Variants in MAST4 observed in about 807,000 individuals in gnomAD.
The protein encoded by MAST4 is microtubule associated serine/threonine kinase family member 4.
MAST4 carries 89 observed loss-of-function variants against 162.7 expected under a neutral mutation model. The ratio of observed to expected loss-of-function variants is 0.55; its 90% CI spans 0.46 to 0.65. The LOEUF (loss-of-function observed/expected upper bound fraction) is 0.65. Among genes scored for constraint, MAST4 ranks in the 30% least tolerant of loss-of-function variants. The pLI is 0.00. For missense variants in MAST4, 3,153 were observed against 3,374.0 expected (o/e 0.93, Z 1.62); for synonymous variants, 1,479 against 1,361.1 (o/e 1.09, Z -1.91).
intron 4 of MAST4, among the ~76,000 whole-genome samples, chr5:66,936,970 G>A (rs1208749361): frequency 3.9e-5 from 6 of 151,992 alleles, no homozygotes; most frequent in South Asian, 2.1e-4. Context: ...ACTACAGTGC[G>A]GCTTTAATTA....
chr5:66,671,639 G>A (rs1747619356), intron 1 of MAST4, among the ~76,000 whole-genome samples: 1 of 152,150 alleles, frequency 6.6e-6, no homozygotes, highest in Non-Finnish European at 1.5e-5. Flanking sequence ...TGGGAATATG[G>A]TTTTGGAGAG....
chr5:66,844,917 T>C, intron 3 of MAST4, among the ~76,000 whole-genome samples: 1 of 151,260 alleles, frequency 6.6e-6, no homozygotes, highest in East Asian at 2.0e-4. Flanking sequence ...ACATATGAGC[T>C]TGGAGAGAGA....
chr5:66,726,483 C>T (rs954556497), intron 1 of MAST4, among the ~76,000 whole-genome samples: 1 of 152,016 alleles, frequency 6.6e-6, no homozygotes, highest in African/African-American at 2.4e-5. Flanking sequence ...GCTGGAGTTG[C>T]AGTTGAATTT....
At chr5:66,650,037 C>T (rs139929324) in intron 1 of MAST4, among the ~76,000 whole-genome samples, 1 of 152,038 alleles carries the variant, frequency 6.6e-6, no homozygotes, top group Non-Finnish European at 1.5e-5. Context: ...ATTGACCATG[C>T]TCCAACTTGG....
rs779630891 is a variant in MAST4 at position 67,165,676 on chromosome 5, A to G, written c.6497A>G (p.Lys2166Arg). 1.3e-5 allele frequency: 21 copies of G among 1,593,062 alleles called. No individual in the cohort carries two copies. The Admixed American group carries it at 3.6e-4, about 27-fold the overall frequency. Reference sequence around the variant, plus strand: ...GCTTCTGGCAGAGAGCCGGGGGCCAAGCCCAGCACTGCAGAGCCCAGCTCG... The same window carrying G: ...GCTTCTGGCAGAGAGCCGGGGGCCAGGCCCAGCACTGCAGAGCCCAGCTCG... ...SHASGREPGA[K>R]PSTAEPSSSP... Residue 2166 changes from lysine (K) to arginine (R), a missense_variant, in exon 29 of 29, where the codon AAG (lysine) becomes AGG (arginine). Lys to Arg is a conservative substitution (Grantham distance 26). Around this residue, in one of 7 missense-constraint regions of MAST4, gnomAD observed 1,644 missense variants for 1,495.0 expected, o/e 1.10. Coordinates refer to ENST00000403625, the MANE Select transcript of MAST4 (RefSeq NM_001164664.2).
intron 3 of MAST4, among the ~76,000 whole-genome samples, chr5:66,827,226 A>G (rs1757307444): frequency 6.6e-6 from 1 of 152,258 alleles, no homozygotes; most frequent in African/African-American, 2.4e-5. Flanking sequence ...TTTGACTTGA[A>G]GAATGACCAG....
chr5:66,808,964 C>T (rs1422909890), intron 3 of MAST4, among the ~76,000 whole-genome samples: 1 of 152,164 alleles, frequency 6.6e-6, no homozygotes, highest in Non-Finnish European at 1.5e-5. Context: ...TTGTATAGCA[C>T]TTCACTGGGA....
intron 4 of MAST4, among the ~76,000 whole-genome samples, chr5:67,012,789 T>C (rs1223570872): frequency 6.6e-6 from 1 of 152,122 alleles, no homozygotes; most frequent in East Asian, 1.9e-4. Flanking sequence ...ATTCTGAAAA[T>C]GTTGATCTTA....
At chr5:66,927,264 C>T (rs1764971690) in intron 4 of MAST4, among the ~76,000 whole-genome samples, 1 of 152,150 alleles carries the variant, frequency 6.6e-6, no homozygotes, top group African/African-American at 2.4e-5. Flanking sequence ...GATATTTGAC[C>T]TTGTTGAATC....
intron 3 of MAST4, among the ~76,000 whole-genome samples, chr5:66,844,239 C>T (rs1465603464): frequency 6.6e-6 from 1 of 150,514 alleles, no homozygotes; most frequent in Admixed American, 6.7e-5. Context: ...CTGCTATCCA[C>T]AATTCCCCTT....
At chr5:66,895,858 T>C (rs1197046910) in intron 3 of MAST4, among the ~76,000 whole-genome samples, 13 of 152,192 alleles carry the variant, frequency 8.5e-5, no homozygotes, top group Non-Finnish European at 4.4e-5. Context: ...TTGGAATAAT[T>C]TTAAAATTTA....
chr5:66,948,655 CT>C (rs1319986927), intron 4 of MAST4, among the ~76,000 whole-genome samples: 1 of 152,086 alleles, frequency 6.6e-6, no homozygotes, highest in Non-Finnish European at 1.5e-5. Context: ...GCGGCTGGAG[CT>C]GAGTAAAACA....
intron 3 of MAST4, among the ~76,000 whole-genome samples, chr5:66,854,047 A>T (rs1210974805): frequency 6.6e-6 from 1 of 152,086 alleles, no homozygotes; most frequent in Non-Finnish European, 1.5e-5. Context: ...TGACATTTTT[A>T]TTTATTTATT....
At chr5:67,021,954 A>G (rs1268656237) in intron 4 of MAST4, among the ~76,000 whole-genome samples, 3 of 152,172 alleles carry the variant, frequency 2.0e-5, no homozygotes, top group Non-Finnish European at 4.4e-5. Flanking sequence ...AAAATTTTGT[A>G]AAGTTCTCCT....
At chr5:66,718,360 T>C (rs1026072461) in intron 1 of MAST4, among the ~76,000 whole-genome samples, 8 of 152,104 alleles carry the variant, frequency 5.3e-5, no homozygotes, top group Non-Finnish European at 1.0e-4. Flanking sequence ...CGGCTTCTTC[T>C]ACATGCTGGC....
chr5:66,997,554 C>T (rs1050385173), intron 4 of MAST4, among the ~76,000 whole-genome samples: 4 of 151,882 alleles, frequency 2.6e-5, no homozygotes, highest in African/African-American at 9.7e-5. Context: ...GTCTCAGCCT[C>T]CCAACTAGCT....
chr5:66,606,775 G>A (rs1742912686), intron 1 of MAST4, among the ~76,000 whole-genome samples: 1 of 152,042 alleles, frequency 6.6e-6, no homozygotes, highest in South Asian at 2.1e-4. Context: ...CATATAGTGG[G>A]TAAAAATAAT....
intron 14 of MAST4, among the ~76,000 whole-genome samples, chr5:67,126,222 T>C (rs1768213093): frequency 6.6e-6 from 1 of 152,242 alleles, no homozygotes; most frequent in Non-Finnish European, 1.5e-5. Context: ...ATAGTTTCTT[T>C]TGCTGTGCAG....
chr5:66,974,358 CA>C (rs1747851124), intron 4 of MAST4, among the ~76,000 whole-genome samples: 2 of 152,220 alleles, frequency 1.3e-5, no homozygotes, highest in Non-Finnish European at 2.9e-5. Context: ...AATTCATCCC[CA>C]CCTTGAGCCT....
Sources: gnomAD v4.1 joint callset for allele counts (sites outside exome capture counted in the v4.1 genomes callset) on GRCh38, gnomAD v4.1.1 for gene constraint, gnomAD v4.1.1 regional missense constraint, MANE v1.5 for transcripts, NCBI Gene and HGNC (gene_info 2026-07-23, HGNC 2026-07-21) for gene names.